Variants in CUBN observed in about 807,000 individuals in gnomAD.
CUBN encodes the protein 460 kDa receptor.
In CUBN, 282 loss-of-function variants were observed where a neutral mutation model predicts 405.3. The observed-to-expected ratio is 0.70, with a 90% CI of 0.63 to 0.77. The LOEUF (loss-of-function observed/expected upper bound fraction) is 0.77. Ranked by LOEUF, CUBN falls within the 30% of genes least tolerant of loss-of-function variation. The probability of loss-of-function intolerance (pLI) is 0.00; values close to 1 mark genes in which losing one functional copy is unlikely to be tolerated. For missense variants in CUBN, 4,514 were observed against 4,475.2 expected (o/e 1.01, Z -0.25); for synonymous variants, 1,684 against 1,617.0 (o/e 1.04, Z -0.99).
At chr10:16,971,088 C>T (rs1469860289) in intron 31 of CUBN, among the ~76,000 whole-genome samples, 1 of 152,150 alleles carries the variant, frequency 6.6e-6, no homozygotes, top group Non-Finnish European at 1.5e-5. Flanking sequence ...TTAAAGAGTA[C>T]ACTTGAACTC....
chr10:17,065,756 A>G (rs1835601728), intron 21 of CUBN, 118 bp from the exon 22 acceptor site: 1 of 1,172,484 alleles, frequency 8.5e-7, no homozygotes. Context: ...CCTCTCATCA[A>G]CCTTAAAACA....
At chr10:16,858,914 A>G (rs1482730873) in intron 59 of CUBN, among the ~76,000 whole-genome samples, 10 of 152,244 alleles carry the variant, frequency 6.6e-5, no homozygotes. Context: ...GAGCAATTGG[A>G]CATCCAGAGG....
At chr10:17,096,458 A>G (rs1836376965) in intron 14 of CUBN, among the ~76,000 whole-genome samples, 2 of 152,142 alleles carry the variant, frequency 1.3e-5, no homozygotes, top group South Asian at 4.1e-4. Context: ...GAAAACATAA[A>G]TGCTTGAAAT....
rs146080582 is a variant in CUBN at position 17,002,418 on chromosome 10, A to G, written c.4169-11903T>C. Among the ~76,000 whole-genome samples the G allele has an allele frequency of 2.4e-3, 359 of 152,086 alleles. 3 individuals are homozygous for G. The highest frequency in any genetic ancestry group is 0.014 in the Middle Eastern group (4 of 294). Reference sequence around the variant, plus strand: ...AAGGACTGTTATTACAAATTGTGCAATCTGTGATTTGGGAAGGTCATGGTG... The same window carrying G: ...AAGGACTGTTATTACAAATTGTGCAGTCTGTGATTTGGGAAGGTCATGGTG... On this transcript the variant is annotated intron_variant, in intron 28 of 66. Coordinates refer to ENST00000377833, the MANE Select transcript of CUBN (RefSeq NM_001081.4).
At chr10:17,101,609 T>C (rs1047893233) in intron 13 of CUBN, among the ~76,000 whole-genome samples, 1 of 152,212 alleles carries the variant, frequency 6.6e-6, no homozygotes, top group Non-Finnish European at 1.5e-5. Flanking sequence ...TACCATTTTA[T>C]TTTTATGAAT....
rs182889350 is a variant in CUBN at position 17,008,998 on chromosome 10, A to T, written c.4168+10835T>A. ...GATCAAAAATGGCGGGACCTCTCCC[A>T]TGGAAGAGCTCGCCCTCTCTGTGGG... is the stretch of plus-strand genomic sequence containing the variant. On this transcript the variant is annotated intron_variant, in intron 28 of 66. Coordinates refer to ENST00000377833, the MANE Select transcript of CUBN (RefSeq NM_001081.4). Among the ~76,000 whole-genome samples the T allele has an allele frequency of 2.5e-3, 377 of 152,296 alleles. 2 individuals carry two copies. The highest frequency in any genetic ancestry group is 8.2e-3 in the African/African-American group (340 of 41,576).
chr10:16,977,940 A>T (rs993619307), intron 31 of CUBN, among the ~76,000 whole-genome samples: 2 of 152,248 alleles, frequency 1.3e-5, no homozygotes, highest in African/African-American at 4.8e-5. Flanking sequence ...ACACATGAAA[A>T]ATTATAGGTA....
In CUBN at chr10:17,088,300, G is replaced by A. The variant is rs200537125; in HGVS notation, c.1811C>T (p.Pro604Leu). 1.4e-4 allele frequency: 227 copies of A among 1,613,504 alleles called. 1 individual carries two copies. In the East Asian group the frequency reaches 2.3e-3, roughly 17 times the overall value. The stretch of plus-strand genomic sequence containing the variant: ...TGGGGGATAGTTTCCAGGATACCCC[G>A]GAGACTTAATAGAACCGTAAGGACC... ...LTGPYGSIKSPGYPGNYPPGR... is the reference protein window; with the variant it reads ...LTGPYGSIKSLGYPGNYPPGR... Residue 604 changes from proline (P) to leucine (L), a missense_variant, in exon 15 of 67, where the codon CCG becomes CTG. Physicochemically the swap from Pro to Leu is moderately conservative, Grantham distance 98. Coordinates refer to ENST00000377833, the MANE Select transcript of CUBN (RefSeq NM_001081.4).
chr10:16,884,369 G>A (rs780851), intron 56 of CUBN, among the ~76,000 whole-genome samples: 84,601 of 150,960 alleles, frequency 0.56, 26,432 homozygotes, highest in Middle Eastern at 0.73. Flanking sequence ...TATCTATGAA[G>A]TAAGAAAACT....
intron 8 of CUBN, 38 bp downstream of exon 8, chr10:17,113,989 T>G (rs1244047613): frequency 6.2e-7 from 1 of 1,604,726 alleles, no homozygotes; most frequent in East Asian, 2.2e-5. Flanking sequence ...CTCGCCAACC[T>G]GGCATGCAGA....
At chr10:17,123,218 G>C (rs1037598457) in intron 5 of CUBN, among the ~76,000 whole-genome samples, 42 of 152,108 alleles carry the variant, frequency 2.8e-4, no homozygotes, top group African/African-American at 9.6e-4. Flanking sequence ...GCATGCTGGA[G>C]ACAGTTTCCA....
chr10:17,115,670 G>GA (rs1836877226), intron 6 of CUBN, 73 bp from the exon 7 acceptor site: 1 of 1,532,180 alleles, frequency 6.5e-7, no homozygotes, highest in Admixed American at 1.7e-5. Flanking sequence ...ATATCAATGA[G>GA]AAAAATAATT....
chr10:16,903,973 G>C lies in CUBN; in HGVS notation c.8055C>G (p.Ser2685=). 1 of 1,606,500 alleles carries C rather than the reference G, an allele frequency of 6.2e-7. No homozygotes were observed. The highest frequency in any genetic ancestry group is 1.3e-5 in the African/African-American group (1 of 74,820). ...VEHIGFHAKY[S]FTDCGGIQIG... ...CTTAATTATAATTCTTACCTGTAAA[G>C]GAATACTTTGCATGGAATCCAATGT... Residue 2685 remains serine, a synonymous_variant, in exon 51 of 67, where the codon TCC becomes TCG. Transcript: ENST00000377833.
intron 39 of CUBN, among the ~76,000 whole-genome samples, 176 bp from the exon 40 acceptor site, chr10:16,933,460 C>T (rs1009306189): frequency 7.2e-5 from 11 of 152,138 alleles, no homozygotes; most frequent in Admixed American, 6.5e-5. Context: ...CTGCAATTTC[C>T]GCAATTGATC....
chr10:16,849,602 G>T (rs1839622171), intron 60 of CUBN, among the ~76,000 whole-genome samples: 1 of 151,868 alleles, frequency 6.6e-6, no homozygotes. Context: ...TGCTCAAATG[G>T]GTATTCCCTC....
chr10:16,874,358 A>T lies in CUBN; in HGVS notation c.9236+16T>A, dbSNP rs778378872. On this transcript the variant is annotated intron_variant, in intron 58 of 66. Coordinates refer to ENST00000377833, the MANE Select transcript of CUBN (RefSeq NM_001081.4). ...CTGAAAGGATTTTCTTAAGAAAGCC[A>T]ATTTGTCTTACGTACTTGAGCTCGA... 3 of 1,613,990 alleles carry T rather than the reference A, an allele frequency of 1.9e-6. No homozygotes were observed. In the Admixed American group the frequency reaches 5.0e-5, roughly 27 times the overall value.
At chr10:17,122,995 G>A (rs905817508) in intron 5 of CUBN, 97 bp from the exon 6 acceptor site, 29 of 824,452 alleles carry the variant, frequency 3.5e-5, no homozygotes, top group Non-Finnish European at 5.7e-5. Context: ...TACGTGGACA[G>A]TATATAAGTC....
At chr10:17,038,972 C>G (rs1485714961) in intron 27 of CUBN, among the ~76,000 whole-genome samples, 1 of 152,212 alleles carries the variant, frequency 6.6e-6, no homozygotes, top group Non-Finnish European at 1.5e-5. Context: ...GTTGCTGGAA[C>G]AAGCATTTTT....
At chr10:17,077,067 G>C (rs1177310484) in intron 17 of CUBN, among the ~76,000 whole-genome samples, 1 of 152,212 alleles carries the variant, frequency 6.6e-6, no homozygotes, top group Non-Finnish European at 1.5e-5. Context: ...ATCACTTGCA[G>C]AGGAGTCACA....
Sources: allele counts gnomAD v4.1 joint callset (sites outside exome capture counted in the v4.1 genomes callset), GRCh38; gene constraint gnomAD v4.1.1; transcripts MANE v1.5; gene names NCBI Gene and HGNC (gene_info 2026-07-23, HGNC 2026-07-21).